Variants in SON observed in about 807,000 individuals in gnomAD.
SON encodes the protein protein SON.
A neutral mutation model predicts 173.3 loss-of-function variants in SON; 4 were observed. That is an observed-to-expected ratio of 0.02 (90% CI 0.01 to 0.05). SON has a LOEUF of 0.05. Among genes scored for constraint, SON ranks in the 10% least tolerant of loss-of-function variants. The pLI, the probability that SON is intolerant of heterozygous loss-of-function variation, is 1.00. For synonymous variants in SON, 1,190 were observed against 1,105.9 expected, an observed-to-expected ratio of 1.08 and a Z score of -1.51; for missense variants, 2,626 against 3,055.3, an observed-to-expected ratio of 0.86 and a Z score of 3.31.
intron 1 of SON, among the ~76,000 whole-genome samples, chr21:33,545,088 C>T (rs1343701257): frequency 6.6e-6 from 1 of 152,078 alleles, no homozygotes; most frequent in Non-Finnish European, 1.5e-5. Flanking sequence ...TATCGAACTT[C>T]TGTTATAGAT....
Position 33,549,709 on chromosome 21 carries a change from T to C in SON, c.478T>C (p.Ser160Pro), listed in dbSNP as rs762140648. 1 of 1,613,044 alleles carries C rather than the reference T, an allele frequency of 6.2e-7. No individual in the cohort carries two copies. Among genetic ancestry groups the C allele is most frequent in the East Asian group, 2.2e-5 (1 of 44,884 alleles). The part of the protein sequence containing the change: ...LESDSFLKFD[S>P]EPSAVALELP... ...ATCTGATTCCTTTTTAAAGTTTGAT[T>C]CTGAACCTTCAGCTGTGGCGCTGGA... The change falls in exon 3 of 12, where the codon TCT becomes CCT. Residue 160 changes from serine to proline, a missense_variant. By Grantham distance (74) the Ser-to-Pro change is moderately conservative. This residue lies in a region of SON where 757 missense variants were observed against 730.1 expected (regional missense o/e 1.04). Transcript: ENST00000356577.
Position 33,555,124 on chromosome 21 carries a change from C to T in SON, c.5893C>T (p.Arg1965Cys), listed in dbSNP as rs780880022. Reference protein sequence around the residue: ...RRSRTPSRRSRTPSRRSRTPS... With the variant: ...RRSRTPSRRSCTPSRRSRTPS... ...CAGCCGCACCCCCAGCCGCCGCAGCCGCACCCCCAGCCGCCGCAGCCGCAC... is the reference window on the plus strand; with the variant it reads ...CAGCCGCACCCCCAGCCGCCGCAGCTGCACCCCCAGCCGCCGCAGCCGCAC... Residue 1965 changes from arginine (R) to cysteine (C), a missense_variant, in exon 3 of 12, where the codon CGC (arginine) becomes TGC (cysteine). Physicochemically the swap from Arg to Cys is radical, Grantham distance 180. This residue lies in a region of SON where 138 missense variants were observed against 222.9 expected (regional missense o/e 0.62). Transcript: ENST00000356577. The T allele has an allele frequency of 6.7e-5, 101 of 1,500,216 alleles. No homozygotes were observed. Among genetic ancestry groups the T allele is most frequent in the Admixed American group, 6.6e-5 (3 of 45,300 alleles). 92.9% of individuals were successfully genotyped at this position (1,500,216 alleles called of 1,614,324 possible).
At position 33,552,392 on chromosome 21, in the gene SON, C is replaced by G; in HGVS notation, c.3161C>G (p.Ala1054Gly). 6.2e-7 allele frequency: 1 copy of G among 1,613,904 alleles called. No individual in the cohort carries two copies. Among genetic ancestry groups the G allele is most frequent in the Non-Finnish European group, 8.5e-7 (1 of 1,179,938 alleles). ...AYERSMMSPM[A>G]ERSMMSAYER... ...GAGCGCTCTATGATGTCCCCTATGG[C>G]TGAGCGCTCTATGATGTCAGCTTAT... Residue 1054 changes from alanine to glycine, a missense_variant, in exon 3 of 12, where the codon GCT (alanine) becomes GGT (glycine). Coordinates refer to ENST00000356577, the MANE Select transcript of SON (RefSeq NM_138927.4). The surrounding 1 kb of genome is among the most constrained non-coding windows in gnomAD (Gnocchi z 5.6).
At chr21:33,557,858 C>T (rs1450660174) in intron 4 of SON, 4 of 442,410 alleles carry the variant, frequency 9.0e-6, no homozygotes, top group East Asian at 4.6e-5. Flanking sequence ...GTTCTTCCTG[C>T]GGTTCGGGTT....
intron 9 of SON, 41 bp downstream of exon 9, chr21:33,573,496 T>C: frequency 6.4e-7 from 1 of 1,553,602 alleles, no homozygotes; most frequent in Non-Finnish European, 8.8e-7. Context: ...ACGTCTCCTT[T>C]AACATTACCT....
At chr21:33,545,495 G>C (rs1191889196) in intron 1 of SON, among the ~76,000 whole-genome samples, 1 of 152,116 alleles carries the variant, frequency 6.6e-6, no homozygotes, top group Non-Finnish European at 1.5e-5. Flanking sequence ...CACAAAAATA[G>C]TAAAAATTAC....
rs748165828 is a variant in SON, at chr21:33,554,762, G to A, written c.5531G>A (p.Arg1844His). The A allele has an allele frequency of 3.0e-5, 49 of 1,613,750 alleles. 1 individual carries two copies. Among genetic ancestry groups the A allele is most frequent in the Admixed American group, 1.3e-4 (8 of 60,002 alleles). ...HKSRKRTSES[R>H]SRARKRSSKS... is the part of the protein sequence containing the mutation. ...TCACGCAAGCGTACCAGTGAATCTC[G>A]TTCTAGGGCAAGAAAGAGATCATCT... Residue 1844 changes from arginine (R) to histidine (H), a missense_variant, in exon 3 of 12, where the codon CGT (arginine) becomes CAT (histidine). Arg to His is a conservative substitution (Grantham distance 29, BLOSUM62 0). This residue lies in a region of SON where 1,006 missense variants were observed against 895.6 expected (regional missense o/e 1.12). Transcript: ENST00000356577.
rs1177042320 is a variant in SON, at chr21:33,567,173, C to T, written c.6674C>T (p.Thr2225Ile). 1 of 1,600,620 alleles carries T rather than the reference C, an allele frequency of 6.2e-7. No individual in the cohort carries two copies. The highest frequency in any genetic ancestry group is 8.6e-7 in the Non-Finnish European group (1 of 1,168,454). Reference protein sequence around the residue: ...NLPSEPVDISTAMSERALAQK... With the variant: ...NLPSEPVDISIAMSERALAQK... ...CTTTCTTAGCCTGTGGACATCTCTA[C>T]AGCAATGAGTGAACGGGCACTTGCT... is the stretch of plus-strand genomic sequence containing the variant. The change falls in exon 7 of 12, where the codon ACA (threonine) becomes ATA (isoleucine). Residue 2225 changes from threonine (T) to isoleucine (I), a missense_variant. Thr to Ile is a moderately conservative substitution (Grantham distance 89). This residue lies in a region of SON where 75 missense variants were observed against 201.6 expected (regional missense o/e 0.37). Transcript: ENST00000356577.
rs1158423378 is a variant in SON at position 33,551,200 on chromosome 21, T to C, written c.1969T>C (p.Ser657Pro). The C allele has an allele frequency of 6.2e-7, 1 of 1,614,040 alleles. No homozygotes were observed. The highest frequency in any genetic ancestry group is 1.1e-5 in the South Asian group (1 of 91,084). Residue 657 changes from serine (S) to proline (P), a missense_variant, in exon 3 of 12, where the codon TCT (serine) becomes CCT (proline). By Grantham distance (74) the Ser-to-Pro change is moderately conservative. Coordinates refer to ENST00000356577, the MANE Select transcript of SON (RefSeq NM_138927.4). ...TGTGGCGCTGGAGATCTCTGTTCAGTCTGTGGTGACAACATCGGAGCTGTC... is the reference window on the plus strand; with the variant it reads ...TGTGGCGCTGGAGATCTCTGTTCAGCCTGTGGTGACAACATCGGAGCTGTC... ...ATVALEISVQ[S>P]VVTTSELSTM...
intron 3 of SON, among the ~76,000 whole-genome samples, chr21:33,556,224 A>ATG (rs2085963408): frequency 6.6e-6 from 1 of 152,234 alleles, no homozygotes; most frequent in Admixed American, 6.5e-5. Context: ...GAGGAACAGT[A>ATG]TGTAATTCCT....
At position 33,559,028 on chromosome 21, in the gene SON, T is replaced by A; in HGVS notation, c.6322-202T>A. 1 of 383,572 alleles carries A rather than the reference T, an allele frequency of 2.6e-6. No individual in the cohort carries two copies. 23.8% of individuals were successfully genotyped at this position (383,572 alleles called of 1,614,324 possible). On this transcript the variant is annotated intron_variant, in intron 4 of 11. Transcript: ENST00000356577. The surrounding 1 kb of genome is among the most constrained non-coding windows in gnomAD (Gnocchi z 4.1). ...AGTACAGTGCTCTCTCTGCACATAG[T>A]AGGTGCTCAATAAATGTTGTTGACT...
chr21:33,549,396 A>T, intron 2 of SON, 80 bp from the exon 3 acceptor site: 2 of 1,243,652 alleles, frequency 1.6e-6, no homozygotes, highest in Non-Finnish European at 2.2e-6. Context: ...TTTAACATGG[A>T]ATGTAAATAT....
At chr21:33,544,536 C>A (rs2085565223) in intron 1 of SON, among the ~76,000 whole-genome samples, 2 of 149,698 alleles carry the variant, frequency 1.3e-5, no homozygotes, top group Non-Finnish European at 3.0e-5. Flanking sequence ...ATTCTCATGT[C>A]ATTTCATTTC....
In SON at chr21:33,552,775, T is replaced by G. The variant is rs746037283; in HGVS notation, c.3544T>G (p.Leu1182Val). ...TGAGGAACCACCAGAGGGTCCAGCATTGCCCACTGAGCAGTCAGCATTAAC... is the reference window on the plus strand; with the variant it reads ...TGAGGAACCACCAGAGGGTCCAGCAGTGCCCACTGAGCAGTCAGCATTAAC... The part of the protein sequence containing the change: ...PPEEPPEGPA[L>V]PTEQSALTAE... The change falls in exon 3 of 12, where the codon TTG becomes GTG. Residue 1182 changes from leucine (L) to valine (V), a missense_variant. Leu to Val is a conservative substitution (Grantham distance 32). This residue lies in a region of SON where 1,006 missense variants were observed against 895.6 expected (regional missense o/e 1.12). Coordinates refer to ENST00000356577, the MANE Select transcript of SON (RefSeq NM_138927.4). The surrounding 1 kb of genome is among the most constrained non-coding windows in gnomAD (Gnocchi z 5.6). 16 of 1,613,764 alleles carry G rather than the reference T, an allele frequency of 9.9e-6. No individual in the cohort carries two copies. The Admixed American group carries it at 1.3e-4, about 13-fold the overall frequency.
intron 8 of SON, chr21:33,572,726 T>C: frequency 1.7e-6 from 1 of 571,658 alleles, no homozygotes; most frequent in Middle Eastern, 3.7e-4. Flanking sequence ...ACAGGATATT[T>C]TATGTGATTG....
rs763056349 is a variant in SON at position 33,550,064 on chromosome 21, C to G, written c.833C>G (p.Ser278Cys). 5 of 1,614,132 alleles carry G rather than the reference C, an allele frequency of 3.1e-6. No homozygotes were observed. Among genetic ancestry groups the G allele is most frequent in the Non-Finnish European group, 3.4e-6 (4 of 1,180,034 alleles). The stretch of plus-strand genomic sequence containing the variant: ...TATCAGATGAAGTCTGTGCTGAAAT[C>G]TGTGGAGAGCACATCTCCAGAGCCA... ...VEYQMKSVLKSVESTSPEPSK... is the reference protein window; with the variant it reads ...VEYQMKSVLKCVESTSPEPSK... Residue 278 changes from serine to cysteine, a missense_variant, in exon 3 of 12, where the codon TCT (serine) becomes TGT (cysteine). Ser to Cys is a moderately radical substitution (Grantham distance 112, BLOSUM62 -1). Transcript: ENST00000356577.
chr21:33,553,812 A>G lies in SON; in HGVS notation c.4581A>G (p.Glu1527=), dbSNP rs747288527. 1.6e-5 allele frequency: 26 copies of G among 1,613,958 alleles called. No individual in the cohort carries two copies. Among genetic ancestry groups the G allele is most frequent in the Non-Finnish European group, 2.1e-5 (25 of 1,179,978 alleles). The part of the protein sequence containing the change: ...EHLKGDFYES[E]HGINIDLNIN... ...TGAAAGGTGACTTTTACGAAAGTGA[A>G]CATGGTATAAATATAGACCTTAATA... Residue 1527 remains glutamate, a synonymous_variant, in exon 3 of 12, where the codon GAA becomes GAG. Transcript: ENST00000356577.
Position 33,555,150 on chromosome 21 carries a change from C to A in SON, c.5919C>A (p.Thr1973=). The change falls in exon 3 of 12, where the codon ACC becomes ACA. Residue 1973 remains threonine (T), a synonymous_variant. Coordinates refer to ENST00000356577, the MANE Select transcript of SON (RefSeq NM_138927.4). The part of the protein sequence containing the change: ...RSRTPSRRSR[T]PSRRSRTPSR... Reference sequence around the variant, plus strand: ...GCACCCCCAGCCGCCGCAGCCGCACCCCCAGCCGCCGCAGCCGCACCCCCA... The same window carrying A: ...GCACCCCCAGCCGCCGCAGCCGCACACCCAGCCGCCGCAGCCGCACCCCCA... The A allele has an allele frequency of 6.6e-7, 1 of 1,504,438 alleles. No homozygotes were observed. 93.2% of individuals were successfully genotyped at this position (1,504,438 alleles called of 1,614,324 possible).
At position 33,550,635 on chromosome 21, in the gene SON, G is replaced by C; in HGVS notation, c.1404G>C (p.Glu468Asp). ...CCATGGGGTTGGAGCCACCACAGGA[G>C]GTACCAGAGCCACCTGTGATGGCAC... Reference protein sequence around the residue: ...APSMGLEPPQEVPEPPVMAQE... With the variant: ...APSMGLEPPQDVPEPPVMAQE... Residue 468 changes from glutamate to aspartate, a missense_variant, in exon 3 of 12, where the codon GAG becomes GAC. By Grantham distance (45) the Glu-to-Asp change is conservative. Around this residue, in one of 13 missense-constraint regions of SON, gnomAD observed 757 missense variants for 730.1 expected, o/e 1.04. Coordinates refer to ENST00000356577, the MANE Select transcript of SON (RefSeq NM_138927.4). The C allele has an allele frequency of 6.2e-7, 1 of 1,614,028 alleles. No homozygotes were observed. Among genetic ancestry groups the C allele is most frequent in the Non-Finnish European group, 8.5e-7 (1 of 1,179,982 alleles).
Sources: gnomAD v4.1 joint callset for allele counts (sites outside exome capture counted in the v4.1 genomes callset) on GRCh38, gnomAD v4.1.1 for gene constraint, gnomAD v4.1.1 regional missense constraint, Gnocchi (gnomAD v3.1) non-coding constraint, MANE v1.5 for transcripts, NCBI Gene and HGNC (gene_info 2026-07-23, HGNC 2026-07-21) for gene names.